The following DRC1 variants were observed in gnomAD, a reference collection of about 807,000 sequenced individuals.
DRC1 encodes the protein dynein regulatory complex subunit 1.
DRC1 carries 74 observed loss-of-function variants against 98.7 expected under a neutral mutation model. That is an observed-to-expected ratio of 0.75 (90% CI 0.62 to 0.91). The LOEUF (loss-of-function observed/expected upper bound fraction) is 0.91, where lower values mean the gene tolerates loss of function less well. Ranked by LOEUF, DRC1 falls within the 40% of genes least tolerant of loss-of-function variation. The probability of loss-of-function intolerance (pLI) is 0.00; values close to 1 mark genes in which losing one functional copy is unlikely to be tolerated. For synonymous variants in DRC1, 336 were observed against 334.1 expected, an observed-to-expected ratio of 1.01 and a Z score of -0.06; for missense variants, 875 against 886.0, an observed-to-expected ratio of 0.99 and a Z score of 0.16.
intron 16 of DRC1, 144 bp from the exon 17 acceptor site, chr2:26,456,317 G>A (rs929811875): frequency 1.0e-6 from 1 of 971,602 alleles, no homozygotes. Flanking sequence ...GAGGCAGTCT[G>A]TGGGTGTTCA....
chr2:26,450,546 G>A (rs1406834432), intron 12 of DRC1, 46 bp from the exon 13 acceptor site: 11 of 1,567,394 alleles, frequency 7.0e-6, no homozygotes, highest in Non-Finnish European at 9.6e-6. Flanking sequence ...CAAGCCCGTG[G>A]CCTCTTGATG....
intron 7 of DRC1, among the ~76,000 whole-genome samples, chr2:26,432,782 G>A (rs960925440): frequency 1.3e-5 from 2 of 152,102 alleles, no homozygotes; most frequent in Non-Finnish European, 2.9e-5. Context: ...CCATATTCCA[G>A]GCACTTAATG....
At chr2:26,440,309 G>A in intron 7 of DRC1, 69 bp from the exon 8 acceptor site, 1 of 1,408,992 alleles carries the variant, frequency 7.1e-7, no homozygotes, top group Non-Finnish European at 9.3e-7. Flanking sequence ...CAGGTGTAGA[G>A]TTAGTGTGTT....
At chr2:26,406,943 C>T (rs1053969953) in intron 1 of DRC1, among the ~76,000 whole-genome samples, 7 of 151,202 alleles carry the variant, frequency 4.6e-5, no homozygotes, top group African/African-American at 9.7e-5. Flanking sequence ...CCCAGCCTCT[C>T]GAGTAGCTGG....
chr2:26,452,100 A>T (rs1344916926), intron 13 of DRC1, among the ~76,000 whole-genome samples: 8 of 152,348 alleles, frequency 5.3e-5, no homozygotes, highest in African/African-American at 9.6e-5. Context: ...GCGCAAAAAA[A>T]AAAAAAGCTT....
intron 16 of DRC1, among the ~76,000 whole-genome samples, 162 bp from the exon 17 acceptor site, chr2:26,456,299 C>T (rs1664169114): frequency 6.6e-6 from 1 of 152,186 alleles, no homozygotes; most frequent in Non-Finnish European, 1.5e-5. Context: ...AGGCGTGTCT[C>T]CTGCAGGGAG....
At chr2:26,445,027 A>G in intron 10 of DRC1, 79 bp downstream of exon 10, 1 of 1,446,046 alleles carries the variant, frequency 6.9e-7, no homozygotes, top group East Asian at 2.3e-5. Context: ...CACGTTAGAG[A>G]TAGTCTAGGG....
chr2:26,417,038 C>T (rs1166614995), intron 2 of DRC1, among the ~76,000 whole-genome samples: 1 of 152,138 alleles, frequency 6.6e-6, no homozygotes, highest in Non-Finnish European at 1.5e-5. Flanking sequence ...CTCACGAGAA[C>T]TCACTCACTA....
chr2:26,448,949 A>T, intron 11 of DRC1, 146 bp downstream of exon 11: 1 of 812,198 alleles, frequency 1.2e-6, no homozygotes, highest in Non-Finnish European at 2.0e-6. Context: ...GAGCAGAGTC[A>T]GGATGGCCCC....
chr2:26,451,249 C>G (rs992907048), intron 13 of DRC1, among the ~76,000 whole-genome samples: 1 of 152,172 alleles, frequency 6.6e-6, no homozygotes. Context: ...CCTGCACCCT[C>G]CCTCAAAACC....
chr2:26,443,606 C>A (rs111688907), intron 8 of DRC1, among the ~76,000 whole-genome samples: 47 of 152,272 alleles, frequency 3.1e-4, no homozygotes, highest in African/African-American at 1.0e-3. Flanking sequence ...CTGATAGTAC[C>A]TTGTATTGAA....
In DRC1 at chr2:26,454,779, G is replaced by A. The variant is rs1664098679; in HGVS notation, c.2052G>A (p.Leu684=). The A allele has an allele frequency of 6.2e-7, 1 of 1,614,094 alleles. No individual in the cohort carries two copies. Among genetic ancestry groups the A allele is most frequent in the Non-Finnish European group, 8.5e-7 (1 of 1,179,978 alleles). ...TCTGGGATGCCCTCTACACAGCCTTGGAGAAGTACCAGTAAGTGTGCATGT... is the reference window on the plus strand; with the variant it reads ...TCTGGGATGCCCTCTACACAGCCTTAGAGAAGTACCAGTAAGTGTGCATGT... ...QNLWDALYTA[L]EKYHLVLTQR... Residue 684 remains leucine (L), a synonymous_variant, in exon 15 of 17, where the codon TTG becomes TTA. Transcript: ENST00000288710. This position sits in a 1 kb window ranked among gnomAD's most constrained non-coding sequence, Gnocchi z 5.2.
chr2:26,430,958 C>CTTTTTTTTTTTTT (rs5830013), intron 6 of DRC1, 86 bp downstream of exon 6: 2 of 344,848 alleles, frequency 5.8e-6, no homozygotes, highest in South Asian at 3.5e-5. Context: ...CTTTTTCTAT[C>CTTTTTTTTTTTTT]TTTTTTTTTT....
chr2:26,421,244 A>T, intron 2 of DRC1, 44 bp from the exon 3 acceptor site: 1 of 1,569,164 alleles, frequency 6.4e-7, no homozygotes, highest in South Asian at 1.1e-5. Flanking sequence ...TATATTATTT[A>T]CAAAGTGTTC....
chr2:26,414,035 G>C (rs976469385), intron 1 of DRC1, among the ~76,000 whole-genome samples: 3 of 151,346 alleles, frequency 2.0e-5, no homozygotes, highest in Non-Finnish European at 1.5e-5. Flanking sequence ...GGGATTAACA[G>C]GTGTGAGCCA....
intron 13 of DRC1, among the ~76,000 whole-genome samples, chr2:26,452,417 G>A (rs541226511): frequency 1.3e-3 from 205 of 152,178 alleles, no homozygotes; most frequent in South Asian, 2.3e-3. Context: ...CTGCCACCAC[G>A]CCCGGCTAAT....
intron 16 of DRC1, 92 bp from the exon 17 acceptor site, chr2:26,456,369 G>A: frequency 6.6e-7 from 1 of 1,508,292 alleles, no homozygotes. Context: ...CAGGGCTTTG[G>A]AGGCCCATGG....
At chr2:26,452,635 C>A (rs1480876386) in intron 13 of DRC1, among the ~76,000 whole-genome samples, 1 of 152,160 alleles carries the variant, frequency 6.6e-6, no homozygotes, top group East Asian at 1.9e-4. Flanking sequence ...TCGAAACAAC[C>A]TATATGTCCA....
At chr2:26,402,880 G>T (rs980162415) in intron 1 of DRC1, among the ~76,000 whole-genome samples, 2 of 152,204 alleles carry the variant, frequency 1.3e-5, no homozygotes, top group African/African-American at 4.8e-5. Flanking sequence ...TCAGTGGAAT[G>T]CAGGGGCCGG....
Sources: allele counts gnomAD v4.1 joint callset (sites outside exome capture counted in the v4.1 genomes callset), GRCh38; gene constraint gnomAD v4.1.1; non-coding constraint Gnocchi (gnomAD v3.1); transcripts MANE v1.5; gene names NCBI Gene and HGNC (gene_info 2026-07-23, HGNC 2026-07-21).